CCDC125: variants seen among roughly 807,000 people sequenced by gnomAD.
CCDC125 encodes coiled-coil domain containing 125.
A neutral mutation model predicts 57.4 loss-of-function variants in CCDC125; 43 were observed. That is an observed-to-expected ratio of 0.75 (90% CI 0.59 to 0.97). The LOEUF (loss-of-function observed/expected upper bound fraction) is 0.97. CCDC125 is among the 50% of genes least tolerant of loss of function. The pLI is 0.00. For synonymous variants in CCDC125, 187 were observed against 195.2 expected (o/e 0.96, Z 0.35); for missense variants, 563 against 595.7 (o/e 0.95, Z 0.57).
intron 2 of CCDC125, 103 bp downstream of exon 2, chr5:69,320,134 A>G: frequency 2.5e-6 from 3 of 1,179,138 alleles, no homozygotes; most frequent in Non-Finnish European, 3.6e-6. Context: ...AAAAAAAAGA[A>G]AATCTAAAAT....
In CCDC125 at chr5:69,306,812, C is replaced by T. The variant is rs200132145; in HGVS notation, c.617+5G>A. 352 of 1,472,022 alleles carry T rather than the reference C, an allele frequency of 2.4e-4. 1 individual carries two copies. The highest frequency in any genetic ancestry group is 2.8e-4 in the Non-Finnish European group (307 of 1,113,072). 91.2% of individuals were successfully genotyped at this position (1,472,022 alleles called of 1,614,324 possible). ...CAAAGAAAAATAATGGAGTAATATA[C>T]AAACCTGTCATATTTTTGGATCCAA... is the stretch of plus-strand genomic sequence containing the variant. On this transcript the variant is annotated splice_donor_5th_base_variant and intron_variant, in intron 6 of 11. Transcript: ENST00000396496.
intron 1 of CCDC125, among the ~76,000 whole-genome samples, chr5:69,320,804 TGTGTGC>T (rs929762327): frequency 1.3e-5 from 2 of 152,030 alleles, no homozygotes; most frequent in African/African-American, 4.8e-5. Flanking sequence ...TGTGTGTGTG[TGTGTGC>T]GTGTGCGTGT....
downstream of CCDC125, chr5:69,277,152 C>T (rs774000048): frequency 3.8e-6 from 6 of 1,578,146 alleles, no homozygotes; most frequent in Non-Finnish European, 5.2e-6. Context: ...CACTGGACAA[C>T]ATTTTACTAC....
In CCDC125 at chr5:69,307,012, A is replaced by G. The variant is rs1404184599; in HGVS notation, c.532-110T>C. 3.3e-6 allele frequency: 4 copies of G among 1,222,122 alleles called. No individual in the cohort carries two copies. In the African/African-American group the frequency reaches 6.2e-5, roughly 19 times the overall value. The allele number at this position is 1,222,122 out of a possible 1,614,324, so 75.7% of individuals were successfully genotyped here. On this transcript the variant is annotated intron_variant, in intron 5 of 11. Transcript: ENST00000396496. Reference sequence around the variant, plus strand: ...TAATCAGTTCTCAGAAATGGTTTAAAGAGAAAAAATTAATTATTGCTCTAA... The same window carrying G: ...TAATCAGTTCTCAGAAATGGTTTAAGGAGAAAAAATTAATTATTGCTCTAA...
At chr5:69,297,523 C>G (rs1481426223) in intron 8 of CCDC125, among the ~76,000 whole-genome samples, 4 of 151,216 alleles carry the variant, frequency 2.6e-5, no homozygotes, top group Non-Finnish European at 5.9e-5. Context: ...CCACGCCCAG[C>G]TAATTTTGTA....
chr5:69,308,538 C>T (rs10940215), intron 4 of CCDC125: 78,018 of 187,558 alleles, frequency 0.42, 16,775 homozygotes, highest in Admixed American at 0.45. Flanking sequence ...AAGTGCCTTT[C>T]GCCTCCCACC....
chr5:69,331,584 A>G (rs1012217885), intron 1 of CCDC125, among the ~76,000 whole-genome samples: 1 of 152,108 alleles, frequency 6.6e-6, no homozygotes, highest in Non-Finnish European at 1.5e-5. Context: ...CTGAAGTGTC[A>G]CCCTGTTTTC....
intron 8 of CCDC125, among the ~76,000 whole-genome samples, chr5:69,297,124 G>A (rs1755473188): frequency 6.6e-6 from 1 of 152,138 alleles, no homozygotes; most frequent in South Asian, 2.1e-4. Flanking sequence ...GGAGTGCAGT[G>A]GTACAATCTC....
chr5:69,284,570 A>G (rs994495232), intron 11 of CCDC125, among the ~76,000 whole-genome samples: 7 of 152,208 alleles, frequency 4.6e-5, no homozygotes, highest in Non-Finnish European at 1.0e-4. Flanking sequence ...ACCTGCACAG[A>G]AAGAATATGA....
chr5:69,299,137 T>C (rs917713515), intron 8 of CCDC125, among the ~76,000 whole-genome samples: 1 of 148,458 alleles, frequency 6.7e-6, no homozygotes, highest in Non-Finnish European at 1.5e-5. Flanking sequence ...TGAGACGGAG[T>C]CTCGCTCTTT....
chr5:69,329,942 A>T (rs1187664510), intron 1 of CCDC125, among the ~76,000 whole-genome samples: 1 of 152,196 alleles, frequency 6.6e-6, no homozygotes, highest in East Asian at 1.9e-4. Context: ...AGGCTGTAGG[A>T]TGAATAGATT....
At chr5:69,297,973 AAAAAC>A (rs746556371) in intron 8 of CCDC125, among the ~76,000 whole-genome samples, 19 of 151,322 alleles carry the variant, frequency 1.3e-4, no homozygotes, top group Admixed American at 1.2e-3. Flanking sequence ...GCCCTGTCTC[AAAAAC>A]AAAACAAAAC....
chr5:69,285,521 A>G (rs1429598856), intron 10 of CCDC125, 54 bp from the exon 11 acceptor site: 5 of 1,533,024 alleles, frequency 3.3e-6, no homozygotes, highest in Non-Finnish European at 4.4e-6. Context: ...TCACTGATAT[A>G]CTTCCAGCAA....
At chr5:69,316,015 T>C (rs1328759338) in intron 2 of CCDC125, among the ~76,000 whole-genome samples, 1 of 151,824 alleles carries the variant, frequency 6.6e-6, no homozygotes, top group Non-Finnish European at 1.5e-5. Flanking sequence ...TTGAGAAGAA[T>C]GTTTGCTTTG....
chr5:69,331,277 C>T (rs544247559), intron 1 of CCDC125, among the ~76,000 whole-genome samples: 2 of 152,038 alleles, frequency 1.3e-5, no homozygotes, highest in East Asian at 4.0e-4. Flanking sequence ...CTGTCACCCA[C>T]GCTGGAGTGC....
intron 1 of CCDC125, among the ~76,000 whole-genome samples, chr5:69,325,257 C>G (rs1422712252): frequency 7.0e-6 from 1 of 142,488 alleles, no homozygotes; most frequent in Non-Finnish European, 1.5e-5. Context: ...ACCCGGGAGG[C>G]AGGGGTTGCA....
chr5:69,296,278 GC>G (rs1755308043), intron 8 of CCDC125, among the ~76,000 whole-genome samples: 1 of 152,004 alleles, frequency 6.6e-6, no homozygotes, highest in African/African-American at 2.4e-5. Flanking sequence ...CTGGCCAGGC[GC>G]GGTGGCTCAT....
chr5:69,292,688 C>T (rs1035209533), intron 9 of CCDC125, among the ~76,000 whole-genome samples: 8 of 152,080 alleles, frequency 5.3e-5, no homozygotes, highest in African/African-American at 1.9e-4. Flanking sequence ...TAAGAGGATA[C>T]CAAAGGCTGC....
In CCDC125 at chr5:69,304,994, G is replaced by A. The variant is rs192866739; in HGVS notation, c.618-1065C>T. Among the ~76,000 whole-genome samples the A allele has an allele frequency of 1.4e-4, 21 of 150,770 alleles. No homozygotes were observed. In the East Asian group the frequency reaches 2.3e-3, roughly 17 times the overall value. On this transcript the variant is annotated intron_variant, in intron 6 of 11. Transcript: ENST00000396496. ...GAGGCTGTGTATATGGGAAATCTCC[G>A]TACCTTCTGATCAATTTTGTTGTGA...
Sources: allele counts gnomAD v4.1 joint callset (sites outside exome capture counted in the v4.1 genomes callset), GRCh38; gene constraint gnomAD v4.1.1; transcripts MANE v1.5; gene names NCBI Gene and HGNC (gene_info 2026-07-23, HGNC 2026-07-21).